The following B3GALT1 variants were observed in gnomAD, a reference collection of about 807,000 sequenced individuals.
B3GALT1 encodes UDP-Gal:betaGlcNAc beta 1,3-galactosyltransferase, polypeptide 1.
A neutral mutation model predicts 23.2 loss-of-function variants in B3GALT1; 10 were observed. The ratio of observed to expected loss-of-function variants is 0.43; its 90% CI spans 0.27 to 0.73. The LOEUF (loss-of-function observed/expected upper bound fraction) is 0.73, where lower values mean the gene tolerates loss of function less well. Among genes scored for constraint, B3GALT1 ranks in the 30% least tolerant of loss-of-function variants. The probability of loss-of-function intolerance (pLI) is 0.21; values close to 1 mark genes in which losing one functional copy is unlikely to be tolerated. For missense variants in B3GALT1, 299 were observed against 405.4 expected (o/e 0.74, Z 2.25); for synonymous variants, 156 against 141.5 (o/e 1.10, Z -0.73).
At chr2:167,789,717 A>G (rs1688401806) in intron 3 of B3GALT1, among the ~76,000 whole-genome samples, 1 of 152,144 alleles carries the variant, frequency 6.6e-6, no homozygotes, top group African/African-American at 2.4e-5. Flanking sequence ...ATGTTATTGT[A>G]GATCCCTCCA....
At chr2:167,736,640 G>A (rs1258929171) in intron 3 of B3GALT1, among the ~76,000 whole-genome samples, 3 of 152,186 alleles carry the variant, frequency 2.0e-5, no homozygotes, top group Admixed American at 6.5e-5. Flanking sequence ...AGTGGCTCAC[G>A]CCTGGACTCC....
chr2:167,776,257 G>A (rs866402679), intron 3 of B3GALT1, among the ~76,000 whole-genome samples: 5 of 152,218 alleles, frequency 3.3e-5, no homozygotes, highest in African/African-American at 9.6e-5. Flanking sequence ...TGTAAACTAC[G>A]TAAGGGAGTG....
chr2:167,300,051 C>T (rs1244569867), intron 1 of B3GALT1, among the ~76,000 whole-genome samples: 1 of 151,860 alleles, frequency 6.6e-6, no homozygotes, highest in African/African-American at 2.4e-5. Context: ...TACAGATTCC[C>T]GCCACCACGC....
intron 2 of B3GALT1, among the ~76,000 whole-genome samples, chr2:167,508,547 T>C (rs1207223173): frequency 6.6e-6 from 1 of 152,094 alleles, no homozygotes; most frequent in East Asian, 1.9e-4. Flanking sequence ...CGTGAGCCAC[T>C]GCACCTGACC....
chr2:167,481,652 C>G (rs189491919), intron 1 of B3GALT1, among the ~76,000 whole-genome samples: 1 of 152,168 alleles, frequency 6.6e-6, no homozygotes, highest in Non-Finnish European at 1.5e-5. Context: ...GGTCATGTCC[C>G]TAATTTCCTA....
intron 2 of B3GALT1, among the ~76,000 whole-genome samples, chr2:167,599,557 A>C (rs1036763396): frequency 4.6e-5 from 7 of 152,206 alleles, no homozygotes; most frequent in African/African-American, 1.4e-4. Flanking sequence ...TGTTGGAGAA[A>C]GCTGTGATTT....
intron 1 of B3GALT1, among the ~76,000 whole-genome samples, chr2:167,486,087 C>T (rs1283971762): frequency 6.6e-6 from 1 of 152,144 alleles, no homozygotes; most frequent in Admixed American, 6.6e-5. Flanking sequence ...TCAGGCTGGA[C>T]GTGGTGGCTC....
chr2:167,611,178 C>T (rs1379077964), intron 2 of B3GALT1, among the ~76,000 whole-genome samples: 3 of 151,816 alleles, frequency 2.0e-5, no homozygotes, highest in Non-Finnish European at 2.9e-5. Flanking sequence ...CTATCGAGAA[C>T]CAGTTATCTG....
intron 2 of B3GALT1, among the ~76,000 whole-genome samples, chr2:167,624,371 C>T (rs554171885): frequency 8.6e-5 from 13 of 152,032 alleles, no homozygotes; most frequent in Non-Finnish European, 1.9e-4. Context: ...TAACTTAGGA[C>T]AGCATGGTGA....
intron 1 of B3GALT1, among the ~76,000 whole-genome samples, chr2:167,461,213 G>A (rs1490235496): frequency 6.6e-6 from 1 of 152,218 alleles, no homozygotes; most frequent in African/African-American, 2.4e-5. Context: ...TGTACCAATT[G>A]CTTCAAGAAC....
At chr2:167,310,820 AC>A (rs1696624344) in intron 1 of B3GALT1, among the ~76,000 whole-genome samples, 1 of 152,032 alleles carries the variant, frequency 6.6e-6, no homozygotes, top group Admixed American at 6.6e-5. Context: ...CATTTCAGAG[AC>A]CTTGAGGCTT....
At chr2:167,668,420 C>A (rs976589890) in intron 3 of B3GALT1, among the ~76,000 whole-genome samples, 2 of 152,124 alleles carry the variant, frequency 1.3e-5, no homozygotes, top group African/African-American at 4.8e-5. Flanking sequence ...TGTGCCCTGC[C>A]CCCAGAGGTG....
intron 3 of B3GALT1, among the ~76,000 whole-genome samples, chr2:167,707,794 C>T (rs1686987808): frequency 6.6e-6 from 1 of 152,122 alleles, no homozygotes. Flanking sequence ...GCATGTGGGC[C>T]TCTTTGGAGG....
intron 3 of B3GALT1, among the ~76,000 whole-genome samples, chr2:167,716,400 C>A (rs1273574899): frequency 6.6e-6 from 1 of 152,220 alleles, no homozygotes; most frequent in Admixed American, 6.5e-5. Flanking sequence ...AAATTGCTGT[C>A]TTCTTCATGG....
chr2:167,425,572 G>C (rs1698611341), intron 1 of B3GALT1, among the ~76,000 whole-genome samples: 7 of 152,200 alleles, frequency 4.6e-5, no homozygotes, highest in Admixed American at 4.6e-4. Context: ...AAGCTGTGCA[G>C]ACCACTGCCA....
intron 4 of B3GALT1, among the ~76,000 whole-genome samples, chr2:167,852,467 G>GGTGTGTGTGTGTGTGTGTGTGTGTGT (rs66820655): frequency 1.4e-5 from 2 of 146,478 alleles, no homozygotes; most frequent in Non-Finnish European, 3.0e-5. Flanking sequence ...TATTCGTGAT[G>GGTGTGTGTGTGTGTGTGTGTGTGTGT]GTGTGTGTGT....
In B3GALT1 at chr2:167,404,424, A is replaced by G. The variant is rs114445437; in HGVS notation, c.-510-85753A>G. 2.6e-3 allele frequency among the ~76,000 whole-genome samples: 401 copies of G among 152,234 alleles called. 2 individuals carry two copies. Among genetic ancestry groups the G allele is most frequent in the African/African-American group, 9.2e-3 (383 of 41,564 alleles). On this transcript the variant is annotated intron_variant, in intron 1 of 4. Transcript: ENST00000392690. ...AGAGCTGACAAAAATAAAATGGACT[A>G]TGTTGTGATTAGTGATTGTACTAAG...
At chr2:167,508,717 T>C (rs1336789513) in intron 2 of B3GALT1, among the ~76,000 whole-genome samples, 1 of 152,016 alleles carries the variant, frequency 6.6e-6, no homozygotes, top group African/African-American at 2.4e-5. Flanking sequence ...AAAAATGAAG[T>C]TATTACACAA....
At chr2:167,746,259 A>G (rs935210108) in intron 3 of B3GALT1, among the ~76,000 whole-genome samples, 3 of 152,246 alleles carry the variant, frequency 2.0e-5, no homozygotes, top group Admixed American at 6.5e-5. Context: ...CAAGTCTTAT[A>G]TGAGGACATT....
Sources: gnomAD v4.1 joint callset for allele counts (sites outside exome capture counted in the v4.1 genomes callset) on GRCh38, gnomAD v4.1.1 for gene constraint, MANE v1.5 for transcripts, NCBI Gene and HGNC (gene_info 2026-07-23, HGNC 2026-07-21) for gene names.